EPHA5: variants seen among roughly 807,000 people sequenced by gnomAD.
The protein encoded by EPHA5 is ephrin type-A receptor 5.
A neutral mutation model predicts 105.0 loss-of-function variants in EPHA5; 60 were observed. That is an observed-to-expected ratio of 0.57 (90% CI 0.46 to 0.71). EPHA5 has a LOEUF of 0.71. Among genes scored for constraint, EPHA5 ranks in the 30% least tolerant of loss-of-function variants. The pLI is 0.00. For missense variants in EPHA5, 1,218 were observed against 1,274.7 expected (o/e 0.96, Z 0.68); for synonymous variants, 513 against 449.1 (o/e 1.14, Z -1.80).
chr4:65,465,807 A>G (rs180677210), intron 5 of EPHA5, among the ~76,000 whole-genome samples: 90 of 152,326 alleles, frequency 5.9e-4, no homozygotes, highest in African/African-American at 2.2e-3. Flanking sequence ...GAATTTCCTA[A>G]GAAAAAAATA....
At chr4:65,517,809 G>A (rs1734253658) in intron 3 of EPHA5, among the ~76,000 whole-genome samples, 1 of 151,770 alleles carries the variant, frequency 6.6e-6, no homozygotes, top group Admixed American at 6.6e-5. Flanking sequence ...CAAAAATGTA[G>A]CCCTTTCCAA....
intron 5 of EPHA5, among the ~76,000 whole-genome samples, chr4:65,453,218 G>A (rs958729013): frequency 6.6e-6 from 1 of 152,150 alleles, no homozygotes; most frequent in Non-Finnish European, 1.5e-5. Flanking sequence ...TCTTGTTTAT[G>A]TGTAGAAATT....
intron 16 of EPHA5, among the ~76,000 whole-genome samples, chr4:65,330,067 G>T (rs910162534): frequency 2.6e-5 from 4 of 151,362 alleles, no homozygotes; most frequent in Non-Finnish European, 5.9e-5. Flanking sequence ...GGTAAGAAAT[G>T]TATTAATGAT....
intron 1 of EPHA5, among the ~76,000 whole-genome samples, chr4:65,659,333 A>C (rs1038233385): frequency 3.0e-5 from 1 of 32,870 alleles, no homozygotes; most frequent in African/African-American, 1.3e-4. Flanking sequence ...AAAAAAAAAA[A>C]AAAAAAAAAA....
In EPHA5 at chr4:65,583,973, C is replaced by T. The variant is rs550568574; in HGVS notation, c.910+17668G>A. On this transcript the variant is annotated intron_variant, in intron 3 of 16. Coordinates refer to ENST00000613740, the MANE Select transcript of EPHA5 (RefSeq NM_001281766.3). ...CTATATATGTAATATATATGTAATA[C>T]GGTATATATGTAATATGCTAAGTAT... 5.3e-5 allele frequency among the ~76,000 whole-genome samples: 8 copies of T among 151,234 alleles called. No homozygotes were observed. In the South Asian group the frequency reaches 6.3e-4, roughly 12 times the overall value.
At chr4:65,521,450 C>T (rs1377111563) in intron 3 of EPHA5, among the ~76,000 whole-genome samples, 1 of 151,900 alleles carries the variant, frequency 6.6e-6, no homozygotes, top group Admixed American at 6.6e-5. Context: ...GTGTAGCACA[C>T]CAACATGGCA....
At chr4:65,363,353 G>A (rs901767541) in intron 11 of EPHA5, among the ~76,000 whole-genome samples, 1 of 151,482 alleles carries the variant, frequency 6.6e-6, no homozygotes, top group Admixed American at 6.6e-5. Context: ...GGTTCTAAAT[G>A]TTTATGATGT....
chr4:65,475,516 T>A (rs748885728), intron 5 of EPHA5, among the ~76,000 whole-genome samples: 1 of 152,164 alleles, frequency 6.6e-6, no homozygotes, highest in African/African-American at 2.4e-5. Flanking sequence ...ATGTATATGA[T>A]TTCAACCACT....
At chr4:65,615,961 C>G (rs1022280417) in intron 2 of EPHA5, among the ~76,000 whole-genome samples, 1 of 151,836 alleles carries the variant, frequency 6.6e-6, no homozygotes, top group Non-Finnish European at 1.5e-5. Context: ...TAACAACTTA[C>G]GTCCACAGAA....
chr4:65,370,024 T>G (rs1718302629), intron 8 of EPHA5, among the ~76,000 whole-genome samples: 1 of 152,104 alleles, frequency 6.6e-6, no homozygotes, highest in Non-Finnish European at 1.5e-5. Context: ...TGGCAATGTA[T>G]TAGTAAAGTA....
At chr4:65,602,362 A>G in intron 2 of EPHA5, 58 bp from the exon 3 acceptor site, 1 of 1,355,314 alleles carries the variant, frequency 7.4e-7, no homozygotes, top group Non-Finnish European at 9.8e-7. Context: ...ATAACAAGGA[A>G]CTATAGCAAA....
At chr4:65,433,768 C>G (rs1375073462) in intron 5 of EPHA5, among the ~76,000 whole-genome samples, 3 of 152,264 alleles carry the variant, frequency 2.0e-5, no homozygotes, top group Non-Finnish European at 4.4e-5. Flanking sequence ...CCTCCATGTT[C>G]AAAGCACTTT....
Position 65,321,553 on chromosome 4 carries a change from C to G in EPHA5, c.*2561G>C, listed in dbSNP as rs1269572014. 1 of 228,934 alleles carries G rather than the reference C, an allele frequency of 4.4e-6. No individual in the cohort carries two copies. Among genetic ancestry groups the G allele is most frequent in the Admixed American group, 5.7e-5 (1 of 17,576 alleles). 14.2% of individuals were successfully genotyped at this position (228,934 alleles called of 1,614,324 possible). On this transcript the variant is annotated 3_prime_UTR_variant, in exon 17 of 17. Transcript: ENST00000613740. ...TCATTCTAAAGTCATATTAACCTTC[C>G]TTAGAAATTCTCAACCAAATTGAGA...
intron 5 of EPHA5, among the ~76,000 whole-genome samples, chr4:65,472,681 A>T (rs770468576): frequency 6.6e-6 from 1 of 152,166 alleles, no homozygotes; most frequent in Non-Finnish European, 1.5e-5. Flanking sequence ...AGCAGCTGGG[A>T]CATAGGACAC....
chr4:65,355,662 C>T (rs1031314463), intron 11 of EPHA5, among the ~76,000 whole-genome samples: 9 of 151,516 alleles, frequency 5.9e-5, no homozygotes, highest in African/African-American at 1.7e-4. Flanking sequence ...TTTATACCAG[C>T]GATAATGCTG....
At chr4:65,361,844 C>T (rs944422133) in intron 11 of EPHA5, among the ~76,000 whole-genome samples, 1 of 151,472 alleles carries the variant, frequency 6.6e-6, no homozygotes, top group African/African-American at 2.4e-5. Flanking sequence ...ATGACTAATC[C>T]TAAGACTCAA....
At chr4:65,335,781 G>T in intron 15 of EPHA5, 151 bp downstream of exon 15, 2 of 662,826 alleles carry the variant, frequency 3.0e-6, no homozygotes, top group Non-Finnish European at 4.7e-6. Context: ...CATTGTAAGA[G>T]AGTAGCATGC....
intron 1 of EPHA5, among the ~76,000 whole-genome samples, chr4:65,646,757 C>T (rs1560817311): frequency 1.3e-5 from 2 of 151,912 alleles, no homozygotes; most frequent in Non-Finnish European, 2.9e-5. Flanking sequence ...TATTTGGGGG[C>T]CTTCTTTTTG....
chr4:65,352,100 G>A (rs887747221), intron 12 of EPHA5, among the ~76,000 whole-genome samples: 10 of 151,938 alleles, frequency 6.6e-5, no homozygotes, highest in Non-Finnish European at 1.3e-4. Flanking sequence ...TTTGTCAAGG[G>A]CACTGAAATT....
Sources: gnomAD v4.1 joint callset for allele counts (sites outside exome capture counted in the v4.1 genomes callset) on GRCh38, gnomAD v4.1.1 for gene constraint, MANE v1.5 for transcripts, NCBI Gene and HGNC (gene_info 2026-07-23, HGNC 2026-07-21) for gene names.